The following CHST10 variants were observed in gnomAD, a reference collection of about 807,000 sequenced individuals.
CHST10 encodes HNK-1 sulfotransferase.
CHST10 carries 24 observed loss-of-function variants against 34.7 expected under a neutral mutation model. The observed-to-expected ratio is 0.69, with a 90% confidence interval of 0.50 to 0.97. The LOEUF is 0.97. Ranked by LOEUF, CHST10 falls within the 50% of genes least tolerant of loss-of-function variation. The probability of loss-of-function intolerance (pLI) is 0.00; values close to 1 mark genes in which losing one functional copy is unlikely to be tolerated. For missense variants in CHST10, 402 were observed against 452.1 expected, an observed-to-expected ratio of 0.89 and a Z score of 1.00; for synonymous variants, 161 against 169.3, an observed-to-expected ratio of 0.95 and a Z score of 0.38.
At chr2:100,393,916 T>C in intron 6 of CHST10, 134 bp from the exon 7 acceptor site, 1 of 649,842 alleles carries the variant, frequency 1.5e-6, no homozygotes, top group Non-Finnish European at 2.6e-6. Context: ...CATGAATGCA[T>C]TCCACACGTC....
At chr2:100,404,596 G>C (rs1201362658) in intron 3 of CHST10, among the ~76,000 whole-genome samples, 2 of 152,082 alleles carry the variant, frequency 1.3e-5, no homozygotes, top group Non-Finnish European at 2.9e-5. Context: ...TTAGCTTCCA[G>C]GATCAGTGTC....
intron 4 of CHST10, among the ~76,000 whole-genome samples, chr2:100,400,822 G>A (rs1413634881): frequency 1.3e-5 from 2 of 152,250 alleles, no homozygotes; most frequent in Non-Finnish European, 1.5e-5. Context: ...GGGATTACAG[G>A]CACATGCCAC....
At chr2:100,403,214 C>T (rs1025086680) in intron 3 of CHST10, among the ~76,000 whole-genome samples, 2 of 152,190 alleles carry the variant, frequency 1.3e-5, no homozygotes, top group African/African-American at 4.8e-5. Flanking sequence ...GAGACCTTCA[C>T]ATCACAGGCT....
Position 100,392,862 on chromosome 2 carries a change from C to A in CHST10, c.*383G>T. On this transcript the variant is annotated 3_prime_UTR_variant, in exon 7 of 7. Coordinates refer to ENST00000264249, the MANE Select transcript of CHST10 (RefSeq NM_004854.5). ...ACCCACCAGTGATGGGTGAAGCCAC[C>A]CTGACTAGCCAGGAGAACCTCAGGG... The A allele has an allele frequency of 4.5e-6, 1 of 221,168 alleles. No individual in the cohort carries two copies. The highest frequency in any genetic ancestry group is 9.1e-6 in the Non-Finnish European group (1 of 110,464). The allele number at this position is 221,168 out of a possible 1,614,324, so 13.7% of individuals were successfully genotyped here.
chr2:100,410,547 G>C (rs1425666726), intron 2 of CHST10, among the ~76,000 whole-genome samples: 1 of 152,186 alleles, frequency 6.6e-6, no homozygotes, highest in African/African-American at 2.4e-5. Context: ...ATGTGGAAAG[G>C]TACTTCAGGA....
intron 2 of CHST10, among the ~76,000 whole-genome samples, chr2:100,410,335 G>A (rs944321963): frequency 5.9e-5 from 9 of 152,286 alleles, no homozygotes; most frequent in South Asian, 4.1e-4. Flanking sequence ...ACCGCTCTGC[G>A]CCACCTGACC....
intron 2 of CHST10, chr2:100,408,134 T>C: frequency 8.5e-6 from 1 of 118,226 alleles, no homozygotes; most frequent in East Asian, 2.2e-4. Context: ...ATTTTTTTAG[T>C]ATAAAGTATG....
chr2:100,407,267 C>T (rs1012505945), intron 2 of CHST10, among the ~76,000 whole-genome samples: 2 of 152,190 alleles, frequency 1.3e-5, no homozygotes, highest in African/African-American at 4.8e-5. Context: ...TTGCCAGCAG[C>T]GGCCTGGGTA....
intron 3 of CHST10, 22 bp from the exon 4 acceptor site, chr2:100,402,677 T>A: frequency 6.2e-7 from 1 of 1,606,644 alleles, no homozygotes; most frequent in South Asian, 1.1e-5. Flanking sequence ...AGAGGTTGAA[T>A]GTCTTCTCTA....
Position 100,393,697 on chromosome 2 carries a change from G to T in CHST10, c.619C>A (p.Pro207Thr). ...TGCCTGTACCAAGGCTCAAACCGGG[G>T]ATTGTGAACAAATTTATCCTTAAAT... ...SAFKDKFVHN[P>T]RFEPWYRHEI... Residue 207 changes from proline (P) to threonine (T), a missense_variant, in exon 7 of 7, where the codon CCC (proline) becomes ACC (threonine). Transcript: ENST00000264249. 2 of 1,614,090 alleles carry T rather than the reference G, an allele frequency of 1.2e-6. No homozygotes were observed. Among genetic ancestry groups the T allele is most frequent in the Non-Finnish European group, 1.7e-6 (2 of 1,180,006 alleles).
At chr2:100,395,387 C>T (rs1675007729) in intron 6 of CHST10, 122 bp downstream of exon 6, 8 of 752,206 alleles carry the variant, frequency 1.1e-5, no homozygotes, top group African/African-American at 3.4e-5. Context: ...TGATGCAAAC[C>T]GACAGCCCTC....
At chr2:100,408,249 A>C (rs1473651844) in intron 2 of CHST10, 1 of 146,076 alleles carries the variant, frequency 6.8e-6, no homozygotes, top group African/African-American at 2.8e-5. Flanking sequence ...TTTATCAGCA[A>C]CACCACCCAG....
chr2:100,397,689 G>A (rs546634689), intron 5 of CHST10, among the ~76,000 whole-genome samples: 1 of 152,208 alleles, frequency 6.6e-6, no homozygotes, highest in East Asian at 1.9e-4. Context: ...CTGGACTGTG[G>A]CTGTGCCCCT....
intron 3 of CHST10, among the ~76,000 whole-genome samples, chr2:100,405,339 G>C (rs1675522895): frequency 6.6e-6 from 1 of 152,212 alleles, no homozygotes; most frequent in African/African-American, 2.4e-5. Context: ...GATGAGGCAG[G>C]ACATGTGATG....
At position 100,402,612 on chromosome 2, in the gene CHST10, C is replaced by T. The variant is rs757879144; in HGVS notation, c.144G>A (p.Pro48=). 1.2e-5 allele frequency: 20 copies of T among 1,613,974 alleles called. No homozygotes were observed. The highest frequency in any genetic ancestry group is 8.3e-5 in the Admixed American group (5 of 60,010). The change falls in exon 4 of 7, where the codon CCG becomes CCA. Residue 48 remains proline (P), a synonymous_variant. Transcript: ENST00000264249. ...TCTCTTCTGGCAACTTCCTCACTTC[C>T]GGCATGGTTGTCAGGAACAGAAACT... The part of the protein sequence containing the change: ...KQEFLFLTTM[P]EVRKLPEEKH...
chr2:100,393,433 T>C lies in CHST10; in HGVS notation c.883A>G (p.Lys295Glu). 6.2e-7 allele frequency: 1 copy of C among 1,614,086 alleles called. No individual in the cohort carries two copies. Among genetic ancestry groups the C allele is most frequent in the Non-Finnish European group, 8.5e-7 (1 of 1,180,018 alleles). Residue 295 changes from lysine to glutamate, a missense_variant, in exon 7 of 7, where the codon AAA becomes GAA. Physicochemically the swap from Lys to Glu is moderately conservative, Grantham distance 56. Coordinates refer to ENST00000264249, the MANE Select transcript of CHST10 (RefSeq NM_004854.5). ...ACCAGGTGGTCAATGCCAGCCTCTT[T>C]TAAGATGTATGGGGCATCGTCCTCC... ...TLEDDAPYIL[K>E]EAGIDHLVSY...
intron 4 of CHST10, among the ~76,000 whole-genome samples, chr2:100,399,704 C>T (rs1005823045): frequency 3.9e-5 from 6 of 152,210 alleles, no homozygotes; most frequent in African/African-American, 1.2e-4. Context: ...TATGGATCTA[C>T]TGTAACCAAA....
intron 6 of CHST10, among the ~76,000 whole-genome samples, chr2:100,394,784 C>T (rs1674974727): frequency 6.6e-6 from 1 of 150,980 alleles, no homozygotes; most frequent in African/African-American, 2.5e-5. Flanking sequence ...AGTACGGTGG[C>T]CAGATCTTGG....
At chr2:100,395,267 T>C (rs1176729290) in intron 6 of CHST10, among the ~76,000 whole-genome samples, 1 of 152,150 alleles carries the variant, frequency 6.6e-6, no homozygotes, top group Non-Finnish European at 1.5e-5. Flanking sequence ...ATTAACAAAA[T>C]GATGTCACCT....
Sources: allele counts gnomAD v4.1 joint callset (sites outside exome capture counted in the v4.1 genomes callset), GRCh38; gene constraint gnomAD v4.1.1; transcripts MANE v1.5; gene names NCBI Gene and HGNC (gene_info 2026-07-23, HGNC 2026-07-21).